Variants in RNF144A observed in about 807,000 individuals in gnomAD.
RNF144A encodes E3 ubiquitin-protein ligase RNF144A.
Under a neutral mutation model 38.7 loss-of-function variants are expected in RNF144A, and 11 were observed. The ratio of observed to expected loss-of-function variants is 0.28; its 90% CI spans 0.18 to 0.47. The LOEUF (loss-of-function observed/expected upper bound fraction) is 0.47, where lower values mean the gene tolerates loss of function less well. Among genes scored for constraint, RNF144A ranks in the 20% least tolerant of loss-of-function variants. The probability of loss-of-function intolerance (pLI) is 0.99; values close to 1 mark genes in which losing one functional copy is unlikely to be tolerated. For missense variants in RNF144A, 316 were observed against 377.2 expected (o/e 0.84, Z 1.34); for synonymous variants, 149 against 143.9 (o/e 1.04, Z -0.25).
At position 6,944,206 on chromosome 2, in the gene RNF144A, G is replaced by A. The variant is rs1313318989; in HGVS notation, c.-12+3059G>A. Among the ~76,000 whole-genome samples, 1 of 152,110 alleles carries A rather than the reference G, an allele frequency of 6.6e-6. No homozygotes were observed. Among genetic ancestry groups the A allele is most frequent in the African/African-American group, 2.4e-5 (1 of 41,408 alleles). On this transcript the variant is annotated intron_variant, in intron 2 of 8. Transcript: ENST00000320892. The surrounding 1 kb of genome is among the most constrained non-coding windows in gnomAD (Gnocchi z 4.7). ...ATGCGGGAGGAGGCCGGGCACTATGGGCCTGGGGTGATGGAGAAAGGACCT... is the reference window on the plus strand; with the variant it reads ...ATGCGGGAGGAGGCCGGGCACTATGAGCCTGGGGTGATGGAGAAAGGACCT...
downstream of RNF144A, among the ~76,000 whole-genome samples, chr2:7,047,248 G>C (rs928331858): frequency 6.7e-6 from 1 of 150,110 alleles, no homozygotes; most frequent in Non-Finnish European, 1.5e-5. Flanking sequence ...AAGTACATGT[G>C]TGAGTGTGCA....
In RNF144A at chr2:6,950,460, A is replaced by G. The variant is rs929209380; in HGVS notation, c.-12+9313A>G. Among the ~76,000 whole-genome samples, 6 of 152,106 alleles carry G rather than the reference A, an allele frequency of 3.9e-5. No homozygotes were observed. In the East Asian group the frequency reaches 9.6e-4, roughly 24 times the overall value. ...CCATTGGATGTTTGGGTTATTTTCA[A>G]TCTTTACTGTCACAAAACAGTCTGC... On this transcript the variant is annotated intron_variant, in intron 2 of 8. Transcript: ENST00000320892.
intron 6 of RNF144A, chr2:7,062,742 G>A (rs1026912379): frequency 6.6e-6 from 1 of 152,166 alleles, no homozygotes; most frequent in African/African-American, 2.4e-5. Flanking sequence ...TGATAATGTG[G>A]AAGCAGAGTC....
At position 7,063,016 on chromosome 2, in the gene RNF144A, G is replaced by A. The variant is rs571365635; in HGVS notation, c.735-5200G>A. ...AAAAAATGTTTGACAGTTATCCAGA[G>A]GCTAAGCTTTAGGCAGGTGAGAGGC... On this transcript the variant is annotated intron_variant, in intron 6 of 6. Coordinates refer to the RNF144A transcript ENST00000432850. The A allele has an allele frequency of 6.6e-5, 10 of 152,316 alleles. No individual in the cohort carries two copies. In the East Asian group the frequency reaches 1.9e-3, roughly 29 times the overall value. 9.4% of individuals were successfully genotyped at this position (152,316 alleles called of 1,614,324 possible).
At chr2:7,026,061 AAGG>A (rs1166855083) in intron 7 of RNF144A, among the ~76,000 whole-genome samples, 1 of 152,212 alleles carries the variant, frequency 6.6e-6, no homozygotes, top group Non-Finnish European at 1.5e-5. Context: ...CTCCAAGGTG[AAGG>A]AGAAGTGGTT....
chr2:7,001,352 A>G (rs1303076514), intron 3 of RNF144A, among the ~76,000 whole-genome samples: 1 of 150,786 alleles, frequency 6.6e-6, no homozygotes, highest in Non-Finnish European at 1.5e-5. Context: ...AAATAAAATA[A>G]AATAAAATTA....
intron 2 of RNF144A, among the ~76,000 whole-genome samples, chr2:6,968,017 T>C (rs928566689): frequency 2.6e-5 from 4 of 152,182 alleles, no homozygotes; most frequent in Non-Finnish European, 5.9e-5. Flanking sequence ...GTTGTTGATA[T>C]CTATGGAGTA....
At chr2:7,068,066 T>C (rs1674307595) in intron 6 of RNF144A, 3 of 398,554 alleles carry the variant, frequency 7.5e-6, no homozygotes, top group South Asian at 2.0e-5. Flanking sequence ...CACTTACCAG[T>C]GCTGTGCTCC....
chr2:7,045,540 C>T (rs1330981385), downstream of RNF144A, among the ~76,000 whole-genome samples: 2 of 152,136 alleles, frequency 1.3e-5, no homozygotes, highest in Non-Finnish European at 2.9e-5. Flanking sequence ...CCTGTGTGCA[C>T]GCCTGTGGAC....
intron 7 of RNF144A, among the ~76,000 whole-genome samples, chr2:7,027,960 C>T (rs1020277499): frequency 3.1e-5 from 4 of 127,192 alleles, no homozygotes; most frequent in Non-Finnish European, 6.3e-5. Flanking sequence ...GGACCCCATG[C>T]GGGTCTGGTG....
At chr2:6,990,736 T>G (rs948514949) in intron 2 of RNF144A, among the ~76,000 whole-genome samples, 1 of 152,152 alleles carries the variant, frequency 6.6e-6, no homozygotes, top group African/African-American at 2.4e-5. Context: ...CCCTTGGTGT[T>G]GCACATTCTG....
intron 1 of RNF144A, among the ~76,000 whole-genome samples, chr2:6,920,872 AT>A (rs533422945): frequency 5.6e-4 from 85 of 152,270 alleles, no homozygotes; most frequent in African/African-American, 1.9e-3. Context: ...GCTTATTACA[AT>A]TTCCTGACCC....
At chr2:7,075,178 C>G in the RNF144A span, among the ~76,000 whole-genome samples, 2 of 152,086 alleles carry the variant, frequency 1.3e-5, no homozygotes, top group African/African-American at 4.8e-5. Flanking sequence ...AGACATCTTT[C>G]CTCTTCTACC....
At chr2:7,028,919 A>G (rs1047699275) in intron 7 of RNF144A, among the ~76,000 whole-genome samples, 1 of 152,124 alleles carries the variant, frequency 6.6e-6, no homozygotes, top group Non-Finnish European at 1.5e-5. Context: ...AACAGCCAGG[A>G]TTTGATGGCC....
intron 7 of RNF144A, among the ~76,000 whole-genome samples, 172 bp downstream of exon 7, chr2:7,024,688 G>A (rs371783772): frequency 3.9e-5 from 6 of 152,188 alleles, no homozygotes; most frequent in Non-Finnish European, 5.9e-5. Context: ...ACTCATGAGC[G>A]CCATGGGGAC....
At chr2:6,920,742 C>T (rs939684145) in intron 1 of RNF144A, among the ~76,000 whole-genome samples, 5 of 152,220 alleles carry the variant, frequency 3.3e-5, no homozygotes, top group Admixed American at 2.6e-4. Flanking sequence ...CAAGACTAGC[C>T]TCCTTTCTCC....
At chr2:6,980,064 T>G (rs759343717) in intron 2 of RNF144A, among the ~76,000 whole-genome samples, 1 of 152,176 alleles carries the variant, frequency 6.6e-6, no homozygotes, top group Non-Finnish European at 1.5e-5. Context: ...CTCAATATCA[T>G]GAGAACAGCC....
rs752374642 is a variant in RNF144A, at chr2:7,035,571, A to G, written c.748-4058A>G. ...CAGGTTTCATTGGCTCCCTGGGGAC[A>G]CATTTCTCTGTCACATAGGGGCTTG... On this transcript the variant is annotated intron_variant, in intron 8 of 8. Transcript: ENST00000320892. 6.4e-4 allele frequency among the ~76,000 whole-genome samples: 97 copies of G among 152,312 alleles called. 1 individual carries two copies. Among genetic ancestry groups the G allele is most frequent in the Middle Eastern group, 3.4e-3 (1 of 294 alleles).
intron 2 of RNF144A, among the ~76,000 whole-genome samples, chr2:6,974,340 C>T (rs1158773118): frequency 1.3e-5 from 2 of 152,136 alleles, no homozygotes; most frequent in African/African-American, 4.8e-5. Context: ...TTGCAGACTG[C>T]CGAGATCCAT....
Sources: allele counts gnomAD v4.1 joint callset (sites outside exome capture counted in the v4.1 genomes callset), GRCh38; gene constraint gnomAD v4.1.1; non-coding constraint Gnocchi (gnomAD v3.1); transcripts MANE v1.5; gene names NCBI Gene and HGNC (gene_info 2026-07-23, HGNC 2026-07-21).